PATJ: variants seen among roughly 807,000 people sequenced by gnomAD.
PATJ encodes the protein PATJ crumbs cell polarity complex component, also known as inaD-like protein.
PATJ carries 190 observed loss-of-function variants against 224.9 expected under a neutral mutation model. That is an observed-to-expected ratio of 0.84 (90% confidence interval 0.75 to 0.95). PATJ has a LOEUF of 0.95. Among genes scored for constraint, PATJ ranks in the 40% least tolerant of loss-of-function variants. The pLI is 0.00. For missense variants in PATJ, 2,121 were observed against 2,270.3 expected, an observed-to-expected ratio of 0.93 and a Z score of 1.34; for synonymous variants, 769 against 820.3, an observed-to-expected ratio of 0.94 and a Z score of 1.07.
intron 8 of PATJ, 103 bp from the exon 9 acceptor site, chr1:61,791,245 C>T: frequency 1.6e-6 from 1 of 614,912 alleles, no homozygotes. Flanking sequence ...ATTCTGCCTG[C>T]CATAGATGCT....
chr1:61,889,217 G>A (rs1669260371), intron 22 of PATJ, among the ~76,000 whole-genome samples: 3 of 152,162 alleles, frequency 2.0e-5, no homozygotes, highest in Non-Finnish European at 4.4e-5. Flanking sequence ...GTGTGTCTAC[G>A]TGCGTGTGAG....
intron 7 of PATJ, among the ~76,000 whole-genome samples, chr1:61,783,491 C>T (rs1182769230): frequency 2.1e-5 from 3 of 141,400 alleles, no homozygotes; most frequent in African/African-American, 2.7e-5. Context: ...TGCAGTGGTG[C>T]GATCCTAGCT....
chr1:61,924,079 T>C (rs1167409845), intron 26 of PATJ, among the ~76,000 whole-genome samples: 2 of 150,682 alleles, frequency 1.3e-5, no homozygotes, highest in African/African-American at 4.9e-5. Flanking sequence ...TCAGGATTCA[T>C]AGAAATACTG....
intron 17 of PATJ, among the ~76,000 whole-genome samples, chr1:61,850,528 G>A (rs539696096): frequency 6.6e-6 from 1 of 152,178 alleles, no homozygotes; most frequent in Non-Finnish European, 1.5e-5. Flanking sequence ...ATGAACCTCT[G>A]GTGGCCAAGT....
intron 9 of PATJ, among the ~76,000 whole-genome samples, chr1:61,791,657 A>G (rs535272741): frequency 5.9e-5 from 9 of 152,202 alleles, no homozygotes; most frequent in Admixed American, 5.9e-4. Context: ...TAACAAAAGA[A>G]TATAATTGGC....
intron 33 of PATJ, among the ~76,000 whole-genome samples, chr1:62,101,608 C>T (rs1411525698): frequency 6.6e-6 from 1 of 152,154 alleles, no homozygotes; most frequent in Non-Finnish European, 1.5e-5. Flanking sequence ...TGCTAGCCAG[C>T]TACTTCTTCC....
intron 21 of PATJ, among the ~76,000 whole-genome samples, chr1:61,882,015 C>G (rs1668170591): frequency 6.6e-6 from 1 of 152,142 alleles, no homozygotes; most frequent in Non-Finnish European, 1.5e-5. Context: ...GTGTATTAAG[C>G]AAGTACCATA....
intron 1 of PATJ, among the ~76,000 whole-genome samples, chr1:61,752,311 C>CTTTTTTTTTTTT (rs370759266): frequency 1.6e-5 from 2 of 124,012 alleles, no homozygotes; most frequent in Non-Finnish European, 3.2e-5. Context: ...TCATTTCTTT[C>CTTTTTTTTTTTT]TTTTTTTTTT....
At chr1:62,021,794 C>T (rs970554986) in intron 29 of PATJ, among the ~76,000 whole-genome samples, 4 of 152,074 alleles carry the variant, frequency 2.6e-5, no homozygotes, top group Admixed American at 6.6e-5. Flanking sequence ...AGTTAAAATT[C>T]GATTCATTAT....
At chr1:61,931,265 G>A (rs1487871704) in intron 27 of PATJ, among the ~76,000 whole-genome samples, 1 of 152,138 alleles carries the variant, frequency 6.6e-6, no homozygotes, top group Admixed American at 6.5e-5. Flanking sequence ...GAACATGGCT[G>A]TTGCTCTCAT....
intron 33 of PATJ, among the ~76,000 whole-genome samples, chr1:62,105,242 G>T (rs925661768): frequency 5.9e-5 from 9 of 152,062 alleles, no homozygotes; most frequent in African/African-American, 2.2e-4. Flanking sequence ...TTCCAAGGGG[G>T]TCTTTTCTTT....
chr1:61,761,370 C>T (rs1645962864), intron 1 of PATJ, among the ~76,000 whole-genome samples: 1 of 152,116 alleles, frequency 6.6e-6, no homozygotes, highest in African/African-American at 2.4e-5. Context: ...TCCTTGAACC[C>T]CTTCCCAGTG....
intron 22 of PATJ, among the ~76,000 whole-genome samples, chr1:61,884,905 T>C (rs915108426): frequency 6.6e-6 from 1 of 152,218 alleles, no homozygotes; most frequent in Admixed American, 6.5e-5. Flanking sequence ...GTTTGGAACA[T>C]GTTGATGGTT....
chr1:61,900,825 G>A lies in PATJ; in HGVS notation c.3204-457G>A, dbSNP rs182048576. ...AGGATGGTCTCGATCTCCTGACCTC[G>A]TGATCTGCCCGCCTCGGCCTCCCAA... On this transcript the variant is annotated intron_variant, in intron 23 of 43. Transcript: ENST00000642238. 2.3e-3 allele frequency among the ~76,000 whole-genome samples: 345 copies of A among 152,158 alleles called. 1 individual carries two copies. Among genetic ancestry groups the A allele is most frequent in the African/African-American group, 6.9e-3 (287 of 41,514 alleles).
At chr1:62,058,282 G>A (rs1395522822) in intron 31 of PATJ, among the ~76,000 whole-genome samples, 4 of 152,154 alleles carry the variant, frequency 2.6e-5, no homozygotes, top group East Asian at 1.9e-4. Flanking sequence ...GCAGCTGACC[G>A]TGCATTTTAC....
intron 17 of PATJ, among the ~76,000 whole-genome samples, chr1:61,837,314 A>G (rs778712796): frequency 2.8e-4 from 43 of 152,230 alleles, no homozygotes; most frequent in Non-Finnish European, 5.3e-4. Context: ...TACTCTATCA[A>G]TTCTTTAACT....
intron 27 of PATJ, among the ~76,000 whole-genome samples, chr1:61,962,888 C>A (rs1470296247): frequency 5.9e-5 from 9 of 152,128 alleles, no homozygotes; most frequent in African/African-American, 2.2e-4. Flanking sequence ...GCATGCCAGC[C>A]CAGCCGCCAG....
At chr1:62,050,830 A>G in intron 30 of PATJ, 136 bp from the exon 31 acceptor site, 1 of 674,970 alleles carries the variant, frequency 1.5e-6, no homozygotes, top group Non-Finnish European at 2.6e-6. Flanking sequence ...AAAGAAAGAA[A>G]CAGAAAATAC....
intron 30 of PATJ, among the ~76,000 whole-genome samples, chr1:62,043,359 A>C (rs1008522623): frequency 2.9e-4 from 44 of 152,250 alleles, no homozygotes; most frequent in African/African-American, 9.9e-4. Context: ...AGACAGAGCC[A>C]AGTCTCAATC....
Sources: gnomAD v4.1 joint callset for allele counts (sites outside exome capture counted in the v4.1 genomes callset) on GRCh38, gnomAD v4.1.1 for gene constraint, MANE v1.5 for transcripts, NCBI Gene and HGNC (gene_info 2026-07-23, HGNC 2026-07-21) for gene names.